Variants in GLIS3 observed in about 807,000 individuals in gnomAD.
GLIS3 encodes zinc finger protein GLIS3.
In GLIS3, 53 loss-of-function variants were observed where a neutral mutation model predicts 78.6. The observed-to-expected ratio is 0.67, with a 90% confidence interval of 0.54 to 0.85. GLIS3 has a LOEUF of 0.85. GLIS3 is among the 40% of genes least tolerant of loss of function. GLIS3 has a pLI of 0.00. For synonymous variants in GLIS3, 684 were observed against 509.9 expected, an observed-to-expected ratio of 1.34 and a Z score of -4.60; for missense variants, 1,703 against 1,231.1, an observed-to-expected ratio of 1.38 and a Z score of -5.74.
At chr9:4,255,512 A>G (rs1212407274) in intron 2 of GLIS3, among the ~76,000 whole-genome samples, 1 of 152,216 alleles carries the variant, frequency 6.6e-6, no homozygotes, top group Non-Finnish European at 1.5e-5. Context: ...ATATCCAGAC[A>G]ATGGAATATT....
At chr9:4,480,862 G>C in the GLIS3 span, among the ~76,000 whole-genome samples, 1 of 149,792 alleles carries the variant, frequency 6.7e-6, no homozygotes, top group Non-Finnish European at 1.5e-5. Context: ...CCACCTACTG[G>C]TTTTTTTTCT....
At chr9:3,970,799 G>T (rs139141069) in intron 4 of GLIS3, among the ~76,000 whole-genome samples, 1 of 152,122 alleles carries the variant, frequency 6.6e-6, no homozygotes, top group Non-Finnish European at 1.5e-5. Context: ...TGTGAAGCTG[G>T]CAATTGAAGA....
At chr9:4,233,899 T>C (rs932782476) in intron 2 of GLIS3, among the ~76,000 whole-genome samples, 11 of 152,244 alleles carry the variant, frequency 7.2e-5, no homozygotes, top group African/African-American at 2.7e-4. Context: ...ACATCACCAC[T>C]TGCTGCTTCA....
chr9:4,129,115 A>G (rs1464920996), intron 2 of GLIS3, among the ~76,000 whole-genome samples: 3 of 152,210 alleles, frequency 2.0e-5, no homozygotes, highest in African/African-American at 7.2e-5. Flanking sequence ...ACCAAGAACC[A>G]CTGTGCTCAA....
At chr9:4,461,826 A>G in the GLIS3 span, among the ~76,000 whole-genome samples, 5,714 of 152,282 alleles carry the variant, frequency 0.038, 342 homozygotes, top group African/African-American at 0.13. Context: ...TGATGGACAT[A>G]CAGCATGAAC....
Position 4,069,473 on chromosome 9 carries a change from C to G in GLIS3, c.1710+48295G>C, listed in dbSNP as rs539906929. Among the ~76,000 whole-genome samples, 17 of 152,308 alleles carry G rather than the reference C, an allele frequency of 1.1e-4. No individual in the cohort carries two copies. The South Asian group carries it at 3.3e-3, about 30-fold the overall frequency. Reference sequence around the variant, plus strand: ...TAAAAAGTACATGAGCCTCAACGCACACTAAAAGACCAGTCCCTGAGTCTG... The same window carrying G: ...TAAAAAGTACATGAGCCTCAACGCAGACTAAAAGACCAGTCCCTGAGTCTG... On this transcript the variant is annotated intron_variant, in intron 4 of 10. Transcript: ENST00000381971.
the GLIS3 span, among the ~76,000 whole-genome samples, chr9:4,387,441 C>T: frequency 1.3e-4 from 20 of 152,282 alleles, no homozygotes; most frequent in African/African-American, 3.8e-4. Context: ...GGTGTCCTCA[C>T]GGTTGCACAT....
chr9:4,083,017 G>A (rs1828692045), intron 4 of GLIS3, among the ~76,000 whole-genome samples: 1 of 152,114 alleles, frequency 6.6e-6, no homozygotes, highest in African/African-American at 2.4e-5. Context: ...AGAAGACCTA[G>A]GTCTGAAGTG....
At chr9:4,250,071 C>T (rs10974410) in intron 2 of GLIS3, among the ~76,000 whole-genome samples, 58,074 of 151,910 alleles carry the variant, frequency 0.38, 12,976 homozygotes, top group South Asian at 0.66. Context: ...GATATTGGCC[C>T]GAAATTTTCT....
At chr9:4,445,481 A>T in the GLIS3 span, among the ~76,000 whole-genome samples, 53 of 152,178 alleles carry the variant, frequency 3.5e-4, no homozygotes, top group East Asian at 8.3e-3. Context: ...ACAAATAAAA[A>T]TAATTAGCTA....
rs576925970 is a variant in GLIS3, at chr9:3,851,421, AT to A, written c.2473+4587del. Among the ~76,000 whole-genome samples, 321 of 152,344 alleles carry A rather than the reference AT, an allele frequency of 2.1e-3. 1 individual carries two copies. The highest frequency in any genetic ancestry group is 7.1e-3 in the African/African-American group (296 of 41,572). On this transcript the variant is annotated intron_variant, in intron 9 of 10. Coordinates refer to ENST00000381971, the MANE Select transcript of GLIS3 (RefSeq NM_001042413.2). ...ATGGAGACCCGTAAATACTACCAAG[AT>A]TCAAACATTAAAGGAAATTATACCT... is the stretch of plus-strand genomic sequence containing the variant.
chr9:4,400,042 T>C, the GLIS3 span, among the ~76,000 whole-genome samples: 2 of 152,070 alleles, frequency 1.3e-5, no homozygotes, highest in African/African-American at 4.8e-5. Context: ...GCAAGCAGGA[T>C]TCAGATTATG....
At chr9:4,236,883 TCTTA>T (rs1175391367) in intron 2 of GLIS3, among the ~76,000 whole-genome samples, 2 of 152,200 alleles carry the variant, frequency 1.3e-5, no homozygotes, top group African/African-American at 4.8e-5. Flanking sequence ...CAGATGCCTT[TCTTA>T]CTTTTTTCCA....
intron 2 of GLIS3, among the ~76,000 whole-genome samples, chr9:4,191,960 G>A (rs1818369968): frequency 1.3e-5 from 2 of 151,956 alleles, no homozygotes; most frequent in South Asian, 4.2e-4. Context: ...GGAAGTGAAT[G>A]GTGAAGATTT....
chr9:4,286,194 G>A lies in GLIS3; in HGVS notation c.232C>T (p.Arg78Cys), dbSNP rs148168366. Reference sequence around the variant, plus strand: ...GGGCTTAAGGCAGGCAGATGGATGCGGCTCTCAGCCACGTTGTTCTGAGGA... The same window carrying A: ...GGGCTTAAGGCAGGCAGATGGATGCAGCTCTCAGCCACGTTGTTCTGAGGA... ...MAPQNNVAES[R>C]IHLPALSPRR... Residue 78 changes from arginine (R) to cysteine (C), a missense_variant, in exon 2 of 11, where the codon CGC (arginine) becomes TGC (cysteine). Coordinates refer to ENST00000381971, the MANE Select transcript of GLIS3 (RefSeq NM_001042413.2). 1.9e-5 allele frequency: 30 copies of A among 1,614,076 alleles called. No individual in the cohort carries two copies. The highest frequency in any genetic ancestry group is 2.2e-5 in the Non-Finnish European group (26 of 1,180,054).
At position 4,104,713 on chromosome 9, in the gene GLIS3, T is replaced by G. The variant is rs1263956175; in HGVS notation, c.1710+13055A>C. ...CTCCTTGATGTTTCTAGAACACACT[T>G]GGCCAACACTCCTGCCTTGAGGCCT... On this transcript the variant is annotated intron_variant, in intron 4 of 10. Transcript: ENST00000381971. 2.6e-5 allele frequency among the ~76,000 whole-genome samples: 4 copies of G among 152,176 alleles called. 1 individual carries two copies. The highest frequency in any genetic ancestry group is 9.7e-5 in the African/African-American group (4 of 41,448).
At chr9:4,121,683 A>T (rs1832200953) in intron 3 of GLIS3, among the ~76,000 whole-genome samples, 1 of 152,088 alleles carries the variant, frequency 6.6e-6, no homozygotes, top group South Asian at 2.1e-4. Context: ...TTAGAGAAAT[A>T]CAAGTGAAGC....
At chr9:4,438,080 T>C in the GLIS3 span, among the ~76,000 whole-genome samples, 1 of 152,190 alleles carries the variant, frequency 6.6e-6, no homozygotes, top group Non-Finnish European at 1.5e-5. Context: ...TCAGCTGTAG[T>C]TGAGAAGTTA....
intron 4 of GLIS3, among the ~76,000 whole-genome samples, chr9:4,081,522 G>C (rs1828551671): frequency 6.6e-6 from 1 of 152,128 alleles, no homozygotes; most frequent in African/African-American, 2.4e-5. Context: ...AGAAAACACT[G>C]TGGACCCCCA....
Sources: allele counts gnomAD v4.1 joint callset (sites outside exome capture counted in the v4.1 genomes callset), GRCh38; gene constraint gnomAD v4.1.1; transcripts MANE v1.5; gene names NCBI Gene and HGNC (gene_info 2026-07-23, HGNC 2026-07-21).